The following DGKB variants were observed in gnomAD, a reference collection of about 807,000 sequenced individuals.
DGKB encodes diacylglycerol kinase beta.
A neutral mutation model predicts 114.3 loss-of-function variants in DGKB; 67 were observed. The observed-to-expected ratio is 0.59, with a 90% CI of 0.48 to 0.72. The LOEUF (loss-of-function observed/expected upper bound fraction) is 0.72. Among genes scored for constraint, DGKB ranks in the 30% least tolerant of loss-of-function variants. The probability of loss-of-function intolerance (pLI) is 0.00; values close to 1 mark genes in which losing one functional copy is unlikely to be tolerated. For missense variants in DGKB, 907 were observed against 975.2 expected (o/e 0.93, Z 0.93); for synonymous variants, 398 against 323.1 (o/e 1.23, Z -2.49).
At chr7:14,973,739 T>C (rs1787631253) in intron 1 of DGKB, among the ~76,000 whole-genome samples, 1 of 149,752 alleles carries the variant, frequency 6.7e-6, no homozygotes, top group Non-Finnish European at 1.5e-5. Context: ...GCCCATATTA[T>C]ATATGACGCA....
At chr7:14,157,041 C>G (rs1193292454) in intron 25 of DGKB, among the ~76,000 whole-genome samples, 2 of 152,170 alleles carry the variant, frequency 1.3e-5, no homozygotes, top group East Asian at 1.9e-4. Flanking sequence ...TGTATCTAGC[C>G]AAAAATTTTC....
At chr7:14,467,777 T>C (rs977041683) in intron 21 of DGKB, among the ~76,000 whole-genome samples, 1 of 152,130 alleles carries the variant, frequency 6.6e-6, no homozygotes, top group African/African-American at 2.4e-5. Flanking sequence ...CCAAAAGAAA[T>C]GCATGAGTAA....
chr7:14,758,019 T>C (rs574991563), intron 2 of DGKB, among the ~76,000 whole-genome samples: 1 of 152,210 alleles, frequency 6.6e-6, no homozygotes, highest in Non-Finnish European at 1.5e-5. Context: ...CGCTATAGAT[T>C]TTAGTATCTG....
chr7:14,819,504 T>C (rs1844615140), intron 2 of DGKB, among the ~76,000 whole-genome samples: 1 of 152,022 alleles, frequency 6.6e-6, no homozygotes, highest in African/African-American at 2.4e-5. Context: ...GTGGAAGGAT[T>C]ACTTGAGCCT....
intron 13 of DGKB, among the ~76,000 whole-genome samples, chr7:14,635,696 T>C (rs1312814574): frequency 6.6e-6 from 1 of 151,642 alleles, no homozygotes; most frequent in Non-Finnish European, 1.5e-5. Flanking sequence ...TATATGTATA[T>C]GTGATTATGT....
In DGKB at chr7:14,748,645, T is replaced by C. The variant is rs1586196169; in HGVS notation, c.168+5283A>G. 2.6e-5 allele frequency among the ~76,000 whole-genome samples: 4 copies of C among 152,280 alleles called. No homozygotes were observed. The East Asian group carries it at 7.7e-4, about 29-fold the overall frequency. ...TGGACTGGGCAGAGCATACAGGATATTAGATCATCAAAAGAGAGTTATAGC... is the reference window on the plus strand; with the variant it reads ...TGGACTGGGCAGAGCATACAGGATACTAGATCATCAAAAGAGAGTTATAGC... On this transcript the variant is annotated intron_variant, in intron 4 of 25. Transcript: ENST00000402815.
intron 23 of DGKB, among the ~76,000 whole-genome samples, chr7:14,217,756 C>G (rs758393825): frequency 2.6e-5 from 4 of 152,066 alleles, no homozygotes; most frequent in Admixed American, 6.6e-5. Context: ...TACGCTTTCC[C>G]TGTGAGGTCA....
intron 21 of DGKB, among the ~76,000 whole-genome samples, chr7:14,346,978 G>GATTC (rs1486143571): frequency 6.6e-6 from 1 of 152,044 alleles, no homozygotes; most frequent in Non-Finnish European, 1.5e-5. Context: ...GACCTTCCAG[G>GATTC]ATTGATTCAT....
At chr7:14,548,162 G>A (rs1429302634) in intron 20 of DGKB, among the ~76,000 whole-genome samples, 4 of 152,118 alleles carry the variant, frequency 2.6e-5, no homozygotes, top group Non-Finnish European at 4.4e-5. Flanking sequence ...TTTGAATACT[G>A]TAGAATATTT....
chr7:14,869,401 A>AT (rs1477238644), intron 1 of DGKB, among the ~76,000 whole-genome samples: 2 of 151,976 alleles, frequency 1.3e-5, no homozygotes, highest in Non-Finnish European at 2.9e-5. Context: ...GTTTTCTTTT[A>AT]TTTTTTCCTG....
intron 23 of DGKB, among the ~76,000 whole-genome samples, chr7:14,243,098 T>A (rs1793929916): frequency 6.6e-6 from 1 of 151,980 alleles, no homozygotes; most frequent in Non-Finnish European, 1.5e-5. Flanking sequence ...GGAAATGCTG[T>A]AAGCCTATTT....
chr7:14,872,675 A>G (rs1309404059), intron 1 of DGKB, among the ~76,000 whole-genome samples: 1 of 152,044 alleles, frequency 6.6e-6, no homozygotes, highest in East Asian at 1.9e-4. Context: ...TGTTTCACAG[A>G]CATTAGATAC....
chr7:14,590,643 A>C (rs1203801525), intron 17 of DGKB, among the ~76,000 whole-genome samples: 2 of 152,094 alleles, frequency 1.3e-5, no homozygotes, highest in Non-Finnish European at 2.9e-5. Context: ...TTTTCCCTAG[A>C]AACTCATTCA....
At chr7:14,228,931 G>A (rs1361576415) in intron 23 of DGKB, among the ~76,000 whole-genome samples, 1 of 135,878 alleles carries the variant, frequency 7.4e-6, no homozygotes, top group Non-Finnish European at 1.5e-5. Flanking sequence ...GCTGTGAATG[G>A]TGATAATGAA....
chr7:14,349,676 C>T (rs1813106012), intron 21 of DGKB, among the ~76,000 whole-genome samples: 1 of 152,080 alleles, frequency 6.6e-6, no homozygotes, highest in Admixed American at 6.6e-5. Context: ...TAATAAAATG[C>T]ACATGGTATC....
intron 23 of DGKB, chr7:14,192,107 A>G: frequency 7.7e-6 from 3 of 391,958 alleles, no homozygotes; most frequent in South Asian, 6.1e-5. Flanking sequence ...CTGATGGTGG[A>G]AAGGTCACCA....
chr7:14,742,616 G>A (rs1407891189), intron 4 of DGKB, among the ~76,000 whole-genome samples: 1 of 152,146 alleles, frequency 6.6e-6, no homozygotes, highest in Non-Finnish European at 1.5e-5. Context: ...TTTACAACTT[G>A]GTAAGGCCTG....
intron 6 of DGKB, among the ~76,000 whole-genome samples, chr7:14,713,891 G>C (rs1196447948): frequency 6.7e-6 from 1 of 148,884 alleles, no homozygotes; most frequent in Non-Finnish European, 1.5e-5. Flanking sequence ...TTGATAACTT[G>C]ATAAGCACAA....
At chr7:14,164,692 C>G (rs78241730) in intron 25 of DGKB, among the ~76,000 whole-genome samples, 10,192 of 152,074 alleles carry the variant, frequency 0.067, 407 homozygotes, top group African/African-American at 0.11. Flanking sequence ...TTCTGTAACA[C>G]TTTGGCCGAA....
Sources: gnomAD v4.1 joint callset for allele counts (sites outside exome capture counted in the v4.1 genomes callset) on GRCh38, gnomAD v4.1.1 for gene constraint, MANE v1.5 for transcripts, NCBI Gene and HGNC (gene_info 2026-07-23, HGNC 2026-07-21) for gene names.